Variants in TBC1D19 observed in about 807,000 individuals in gnomAD.
TBC1D19 encodes the protein TBC1 domain family, member 19.
In TBC1D19, 60 loss-of-function variants were observed where a neutral mutation model predicts 89.0. That is an observed-to-expected ratio of 0.67 (90% CI 0.55 to 0.84). The LOEUF is 0.84. Ranked by LOEUF, TBC1D19 falls within the 40% of genes least tolerant of loss-of-function variation. The pLI is 0.00. For synonymous variants in TBC1D19, 189 were observed against 199.7 expected (o/e 0.95, Z 0.45); for missense variants, 500 against 610.8 (o/e 0.82, Z 1.91).
chr4:26,582,854 A>C (rs2109923069), upstream of TBC1D19, among the ~76,000 whole-genome samples: 1 of 152,286 alleles, frequency 6.6e-6, no homozygotes, highest in Admixed American at 6.5e-5. Context: ...TAAATGTCAG[A>C]GTGCTGTGCA....
chr4:26,718,590 G>A (rs1482710235), intron 14 of TBC1D19, among the ~76,000 whole-genome samples: 4 of 151,968 alleles, frequency 2.6e-5, no homozygotes, highest in Non-Finnish European at 5.9e-5. Flanking sequence ...ACTTCATTGT[G>A]TATGGTCATT....
chr4:26,656,987 T>TTCTCCTTCTCCTTCTCCTTCTC (rs1744874381), intron 7 of TBC1D19, among the ~76,000 whole-genome samples: 12 of 17,820 alleles, frequency 6.7e-4, no homozygotes, highest in Admixed American at 8.9e-4. Context: ...TTCTTCTTCT[T>TTCTCCTTCTCCTTCTCCTTCTC]CTTCTCCTTC....
At chr4:26,604,215 G>A (rs1212913477) in intron 1 of TBC1D19, among the ~76,000 whole-genome samples, 2 of 145,910 alleles carry the variant, frequency 1.4e-5, no homozygotes, top group African/African-American at 2.6e-5. Context: ...GTGCAGTGGC[G>A]CGGTCTCGGC....
At chr4:26,696,628 C>G (rs569763438) in intron 13 of TBC1D19, among the ~76,000 whole-genome samples, 1 of 152,000 alleles carries the variant, frequency 6.6e-6, no homozygotes, top group African/African-American at 2.4e-5. Context: ...CCTCAGCAAA[C>G]GTAAAAGAAC....
At chr4:26,627,042 C>T (rs1404582576) in intron 4 of TBC1D19, among the ~76,000 whole-genome samples, 2 of 151,832 alleles carry the variant, frequency 1.3e-5, no homozygotes, top group Non-Finnish European at 2.9e-5. Context: ...CTCCCCCCTC[C>T]GCCCACCCCA....
intron 11 of TBC1D19, among the ~76,000 whole-genome samples, chr4:26,679,435 A>G (rs1278597109): frequency 6.6e-6 from 1 of 152,104 alleles, no homozygotes; most frequent in African/African-American, 2.4e-5. Flanking sequence ...GGGTTTGGGA[A>G]CCTCCATCTG....
chr4:26,659,076 C>G (rs1745058289), intron 7 of TBC1D19, among the ~76,000 whole-genome samples: 1 of 152,172 alleles, frequency 6.6e-6, no homozygotes, highest in African/African-American at 2.4e-5. Flanking sequence ...CCCTTTATTT[C>G]TTTCTCTTGC....
At chr4:26,628,704 A>G (rs1404786216) in intron 4 of TBC1D19, among the ~76,000 whole-genome samples, 2 of 152,078 alleles carry the variant, frequency 1.3e-5, no homozygotes, top group Admixed American at 6.6e-5. Context: ...AAGCATTCTT[A>G]TACACCAATA....
chr4:26,854,302 G>C, the TBC1D19 span, among the ~76,000 whole-genome samples: 1 of 151,568 alleles, frequency 6.6e-6, no homozygotes, highest in Admixed American at 6.6e-5. Flanking sequence ...GAGCTCCTTG[G>C]ATTCTGGACT....
At chr4:26,726,126 A>AACACAC (rs56262902) in intron 15 of TBC1D19, among the ~76,000 whole-genome samples, 131 of 127,180 alleles carry the variant, frequency 1.0e-3, no homozygotes, top group African/African-American at 1.9e-3. Flanking sequence ...CAATTCTCCC[A>AACACAC]ACACACACAC....
the TBC1D19 span, among the ~76,000 whole-genome samples, chr4:26,848,742 C>T: frequency 2.0e-5 from 3 of 152,174 alleles, no homozygotes; most frequent in Non-Finnish European, 2.9e-5. Context: ...TTCCAAAGCT[C>T]CTGTCCCACC....
chr4:26,628,574 T>C (rs913794892), intron 4 of TBC1D19, among the ~76,000 whole-genome samples: 15 of 152,100 alleles, frequency 9.9e-5, no homozygotes, highest in Non-Finnish European at 2.2e-4. Flanking sequence ...AAATTGTCCT[T>C]GTTTGCAGAT....
intron 11 of TBC1D19, among the ~76,000 whole-genome samples, chr4:26,680,412 A>G (rs969681720): frequency 6.6e-6 from 1 of 152,042 alleles, no homozygotes; most frequent in Non-Finnish European, 1.5e-5. Flanking sequence ...ACTCCTTCTC[A>G]TAGCACTGTA....
the TBC1D19 span, among the ~76,000 whole-genome samples, chr4:26,854,321 T>A: frequency 7.5e-6 from 1 of 132,904 alleles, no homozygotes; most frequent in South Asian, 2.5e-4. Flanking sequence ...CTAGAAATTA[T>A]CTTACTAATT....
chr4:26,854,484 G>T, the TBC1D19 span, among the ~76,000 whole-genome samples: 1 of 152,102 alleles, frequency 6.6e-6, no homozygotes, highest in African/African-American at 2.4e-5. Context: ...TGCCTCCCTG[G>T]ATTTACTTGG....
At chr4:26,683,619 G>C (rs1441276599) in intron 11 of TBC1D19, 56 bp from the exon 12 acceptor site, 1 of 1,416,246 alleles carries the variant, frequency 7.1e-7, no homozygotes, top group Non-Finnish European at 9.8e-7. Flanking sequence ...TGAGTTTAAG[G>C]CTGACTTTAT....
chr4:26,676,888 C>T (rs2109121671), intron 11 of TBC1D19, among the ~76,000 whole-genome samples: 1 of 152,188 alleles, frequency 6.6e-6, no homozygotes, highest in East Asian at 1.9e-4. Context: ...TCTTGAGGGT[C>T]TGTCTCTTCT....
chr4:26,817,975 A>AC, the TBC1D19 span, among the ~76,000 whole-genome samples: 215 of 105,214 alleles, frequency 2.0e-3, 4 homozygotes, highest in African/African-American at 9.4e-3. Flanking sequence ...ATTTAAAAAA[A>AC]AAAAAAATAT....
At chr4:26,785,959 G>T in the TBC1D19 span, among the ~76,000 whole-genome samples, 3 of 152,174 alleles carry the variant, frequency 2.0e-5, no homozygotes, top group Admixed American at 2.0e-4. Context: ...AAGAATAATG[G>T]TTTCTTAGGA....
Sources: gnomAD v4.1 joint callset for allele counts (sites outside exome capture counted in the v4.1 genomes callset) on GRCh38, gnomAD v4.1.1 for gene constraint, MANE v1.5 for transcripts, NCBI Gene and HGNC (gene_info 2026-07-23, HGNC 2026-07-21) for gene names.